NAA35: variants seen among roughly 807,000 people sequenced by gnomAD.
NAA35 encodes the protein MAK10 homolog, amino-acid N-acetyltransferase subunit.
A neutral mutation model predicts 101.7 loss-of-function variants in NAA35; 18 were observed. The observed-to-expected ratio is 0.18, with a 90% CI of 0.12 to 0.26. The LOEUF (loss-of-function observed/expected upper bound fraction) is 0.26. Ranked by LOEUF, NAA35 falls within the 10% of genes least tolerant of loss-of-function variation. The pLI, the probability that NAA35 is intolerant of heterozygous loss-of-function variation, is 1.00. For synonymous variants in NAA35, 267 were observed against 273.1 expected, an observed-to-expected ratio of 0.98 and a Z score of 0.22; for missense variants, 601 against 886.8, an observed-to-expected ratio of 0.68 and a Z score of 4.09.
chr9:86,008,036 G>A (rs994169678), intron 14 of NAA35, among the ~76,000 whole-genome samples: 1 of 152,080 alleles, frequency 6.6e-6, no homozygotes, highest in Middle Eastern at 3.2e-3. Flanking sequence ...AAAATGCCCT[G>A]GACCAGAGGT....
chr9:86,005,177 T>C (rs1341098910), intron 13 of NAA35, among the ~76,000 whole-genome samples: 2 of 152,204 alleles, frequency 1.3e-5, no homozygotes, highest in Non-Finnish European at 1.5e-5. Context: ...AAATAAGATT[T>C]ACCCTAAGAA....
chr9:85,966,604 G>A, intron 6 of NAA35: 1 of 1,245,930 alleles, frequency 8.0e-7, no homozygotes, highest in South Asian at 1.4e-5. Flanking sequence ...AGATTTCGCG[G>A]CTCCTAGAAC....
At position 85,958,469 on chromosome 9, in the gene NAA35, C is replaced by T. The variant is rs1231599294; in HGVS notation, c.159-3C>T. 2.5e-6 allele frequency: 4 copies of T among 1,583,392 alleles called. No homozygotes were observed. The highest frequency in any genetic ancestry group is 2.7e-5 in the African/African-American group (2 of 73,772). On this transcript the variant is annotated splice_polypyrimidine_tract_variant and splice_region_variant and intron_variant, in intron 3 of 22. Transcript: ENST00000361671. ...TTTGTTGGCTCAATTTTTTTATTTG[C>T]AGATTTGGTCTTTTTGAAGCCATGT...
chr9:86,020,350 A>G (rs1336927950), intron 21 of NAA35, among the ~76,000 whole-genome samples: 1 of 152,166 alleles, frequency 6.6e-6, no homozygotes, highest in Non-Finnish European at 1.5e-5. Flanking sequence ...TCCTAATACT[A>G]TGCTGTGCTG....
At chr9:85,953,435 TTC>T (rs1185001988) in intron 2 of NAA35, among the ~76,000 whole-genome samples, 3 of 152,136 alleles carry the variant, frequency 2.0e-5, no homozygotes, top group Non-Finnish European at 4.4e-5. Flanking sequence ...ATGACTTTTT[TTC>T]TCTTTTTGAG....
chr9:85,959,043 A>G (rs1277605138), intron 4 of NAA35, among the ~76,000 whole-genome samples: 3 of 152,208 alleles, frequency 2.0e-5, no homozygotes, highest in Non-Finnish European at 4.4e-5. Flanking sequence ...AAATTTACAA[A>G]TAGTATAGTT....
intron 12 of NAA35, among the ~76,000 whole-genome samples, chr9:85,998,961 A>G (rs1459385583): frequency 6.6e-6 from 1 of 152,214 alleles, no homozygotes; most frequent in Non-Finnish European, 1.5e-5. Flanking sequence ...GTCTCTGGGA[A>G]ATAGTTGATA....
chr9:85,960,246 T>G (rs917632293), intron 5 of NAA35, among the ~76,000 whole-genome samples: 1 of 152,198 alleles, frequency 6.6e-6, no homozygotes, highest in Admixed American at 6.5e-5. Flanking sequence ...TAATCTAGGA[T>G]AAATTGTAGT....
Position 85,956,374 on chromosome 9 carries a change from G to A in NAA35, c.139G>A (p.Glu47Lys). 1 of 1,387,834 alleles carries A rather than the reference G, an allele frequency of 7.2e-7. No individual in the cohort carries two copies. Among genetic ancestry groups the A allele is most frequent in the Non-Finnish European group, 9.8e-7 (1 of 1,021,646 alleles). The allele number at this position is 1,387,834 out of a possible 1,614,324, so 86.0% of individuals were successfully genotyped here. The change falls in exon 3 of 23, where the codon GAA becomes AAA. Residue 47 changes from glutamate to lysine, a missense_variant. Glu to Lys is a moderately conservative substitution (Grantham distance 56). This residue lies in a region of NAA35 where 67 missense variants were observed against 62.4 expected (regional missense o/e 1.07). Transcript: ENST00000361671. Reference protein sequence around the residue: ...EEACRELKLGELLHDKLFGLF... With the variant: ...EEACRELKLGKLLHDKLFGLF... ...TTTTTTTTTAGAATTAAAGTTGGGA[G>A]AACTACTTCATGATAAGCTGTAAGT... is the stretch of plus-strand genomic sequence containing the variant.
intron 2 of NAA35, 46 bp downstream of exon 2, chr9:85,942,329 G>A: frequency 1.9e-6 from 3 of 1,599,472 alleles, no homozygotes; most frequent in Non-Finnish European, 2.6e-6. Flanking sequence ...GGAAGGGGTA[G>A]AATGACGATT....
chr9:85,966,536 T>C lies in NAA35; in HGVS notation c.516+4356T>C, dbSNP rs1046531843. ...ATAATCCAGGAAATACAAATGAAAA[T>C]GTAGTTTGATTTTTTCTTTCTTTCT... On this transcript the variant is annotated intron_variant, in intron 6 of 22. Transcript: ENST00000361671. The C allele has an allele frequency of 2.3e-5, 19 of 828,810 alleles. No individual in the cohort carries two copies. The African/African-American group carries it at 3.1e-4, about 13-fold the overall frequency. 51.3% of individuals were successfully genotyped at this position (828,810 alleles called of 1,614,324 possible). A position where few individuals can be genotyped will look rare whatever the true frequency, so the allele number is the denominator to read the frequency against.
rs1832585582 is a variant in NAA35, at chr9:86,022,016, T to TA, written c.*57dup. The TA allele has an allele frequency of 1.5e-6, 2 of 1,345,988 alleles. No homozygotes were observed. Among genetic ancestry groups the TA allele is most frequent in the Non-Finnish European group, 2.1e-6 (2 of 945,248 alleles). The allele number at this position is 1,345,988 out of a possible 1,614,324, so 83.4% of individuals were successfully genotyped here. A position where few individuals can be genotyped will look rare whatever the true frequency, so the allele number is the denominator to read the frequency against. Reference sequence around the variant, plus strand: ...AGAGTCTTCTTTCAGACCCAACTCTTAGAGGGCACATCACCAGGCTCCACA... The same window carrying TA: ...AGAGTCTTCTTTCAGACCCAACTCTTAAGAGGGCACATCACCAGGCTCCACA... On this transcript the variant is annotated 3_prime_UTR_variant, in exon 23 of 23. Coordinates refer to ENST00000361671, the MANE Select transcript of NAA35 (RefSeq NM_024635.4).
At chr9:85,994,427 T>A (rs1831070002) in intron 11 of NAA35, among the ~76,000 whole-genome samples, 1 of 152,218 alleles carries the variant, frequency 6.6e-6, no homozygotes, top group Non-Finnish European at 1.5e-5. Context: ...TCTGGCTTAG[T>A]ATAATTCTAC....
chr9:85,958,541 A>G lies in NAA35; in HGVS notation c.228A>G (p.Gly76=), dbSNP rs1829371498. The G allele has an allele frequency of 6.2e-7, 1 of 1,611,538 alleles. No individual in the cohort carries two copies. ...MDPKMDAGMI[G]NQVNRKVLNF... ...CCAAGATGGATGCTGGCATGATTGG[A>G]AACCAAGTTAATCGAAAAGTTCTCA... Residue 76 remains glycine (G), a synonymous_variant, in exon 4 of 23, where the codon GGA becomes GGG. Transcript: ENST00000361671.
intron 11 of NAA35, among the ~76,000 whole-genome samples, chr9:85,986,218 A>G (rs986589357): frequency 1.3e-5 from 2 of 152,230 alleles, no homozygotes; most frequent in African/African-American, 4.8e-5. Context: ...GACAATTATT[A>G]AACTTCAGAA....
At chr9:85,966,844 C>T (rs916873269) in intron 6 of NAA35, among the ~76,000 whole-genome samples, 25 of 152,340 alleles carry the variant, frequency 1.6e-4, no homozygotes, top group Admixed American at 1.0e-3. Flanking sequence ...CTGTGGCTCA[C>T]GCCTGTAATC....
At chr9:85,970,783 G>A (rs1182609564) in intron 6 of NAA35, among the ~76,000 whole-genome samples, 1 of 152,174 alleles carries the variant, frequency 6.6e-6, no homozygotes, top group Non-Finnish European at 1.5e-5. Context: ...GGAGGTTAGA[G>A]ACATGAATTT....
chr9:85,978,371 T>A lies in NAA35; in HGVS notation c.867T>A (p.Thr289=), dbSNP rs1285723159. The part of the protein sequence containing the change: ...LHHGIQAQND[T]TKGDHPIMMG... ...ATGGCATCCAGGCCCAGAATGATAC[T>A]ACAAAAGGAGGTAATTGTTCAATTT... Residue 289 remains threonine, a synonymous_variant, in exon 11 of 23, where the codon ACT becomes ACA. Coordinates refer to ENST00000361671, the MANE Select transcript of NAA35 (RefSeq NM_024635.4). 6.3e-7 allele frequency: 1 copy of A among 1,594,550 alleles called. No homozygotes were observed.
At chr9:86,003,417 C>T (rs1831499394) in intron 12 of NAA35, among the ~76,000 whole-genome samples, 168 bp from the exon 13 acceptor site, 1 of 151,866 alleles carries the variant, frequency 6.6e-6, no homozygotes. Flanking sequence ...TCCATTGTCC[C>T]TTTTATATAA....
Sources: allele counts gnomAD v4.1 joint callset (sites outside exome capture counted in the v4.1 genomes callset), GRCh38; gene constraint gnomAD v4.1.1; regional missense constraint gnomAD v4.1.1; transcripts MANE v1.5; gene names NCBI Gene and HGNC (gene_info 2026-07-23, HGNC 2026-07-21).